The following CDH13 variants were observed in gnomAD, a reference collection of about 807,000 sequenced individuals.
CDH13 encodes the protein cadherin 13.
In CDH13, 24 loss-of-function variants were observed where a neutral mutation model predicts 63.8. The observed-to-expected ratio is 0.38, with a 90% CI of 0.27 to 0.53. The LOEUF is 0.53. CDH13 is among the 20% of genes least tolerant of loss of function. The probability of loss-of-function intolerance (pLI) is 0.85; values close to 1 mark genes in which losing one functional copy is unlikely to be tolerated. For synonymous variants in CDH13, 503 were observed against 355.3 expected, an observed-to-expected ratio of 1.42 and a Z score of -4.67; for missense variants, 1,049 against 903.1, an observed-to-expected ratio of 1.16 and a Z score of -2.07.
intron 1 of CDH13, among the ~76,000 whole-genome samples, chr16:82,659,859 C>T (rs72832167): frequency 0.011 from 1,702 of 152,274 alleles, 9 homozygotes; most frequent in Non-Finnish European, 0.02. Flanking sequence ...GGCCTCTACC[C>T]ACTAGAGGCC....
At chr16:82,806,656 T>G (rs902928205) in intron 1 of CDH13, among the ~76,000 whole-genome samples, 9 of 152,040 alleles carry the variant, frequency 5.9e-5, no homozygotes, top group Admixed American at 5.9e-4. Context: ...TGGTGGGATT[T>G]TTGTTGTTGT....
chr16:83,117,059 G>A (rs951735996), intron 3 of CDH13, among the ~76,000 whole-genome samples: 1 of 152,258 alleles, frequency 6.6e-6, no homozygotes. Context: ...AGACCTGGGA[G>A]AAGGAGGAAA....
At chr16:83,367,091 A>T (rs1439298453) in intron 6 of CDH13, among the ~76,000 whole-genome samples, 1 of 152,184 alleles carries the variant, frequency 6.6e-6, no homozygotes, top group African/African-American at 2.4e-5. Context: ...TGACTCCCAA[A>T]ATGAAATTCT....
At chr16:83,423,679 C>G (rs1158430728) in intron 6 of CDH13, among the ~76,000 whole-genome samples, 1 of 152,120 alleles carries the variant, frequency 6.6e-6, no homozygotes, top group East Asian at 1.9e-4. Flanking sequence ...ATGTCTGTTG[C>G]AGTGGAATTC....
intron 8 of CDH13, among the ~76,000 whole-genome samples, chr16:83,631,204 G>C (rs889570380): frequency 3.3e-5 from 5 of 152,228 alleles, no homozygotes; most frequent in African/African-American, 4.8e-5. Flanking sequence ...TTATCTGGCA[G>C]AATTCTGCTC....
intron 7 of CDH13, among the ~76,000 whole-genome samples, chr16:83,568,103 C>T (rs995139589): frequency 6.6e-6 from 1 of 152,082 alleles, no homozygotes; most frequent in Non-Finnish European, 1.5e-5. Flanking sequence ...ATCAAATTCT[C>T]TTCTCCTCCC....
At chr16:83,466,665 C>T (rs1461288156) in intron 6 of CDH13, among the ~76,000 whole-genome samples, 2 of 152,166 alleles carry the variant, frequency 1.3e-5, no homozygotes, top group Admixed American at 6.5e-5. Context: ...AGATGTTTAT[C>T]ATAGACAAGG....
intron 2 of CDH13, among the ~76,000 whole-genome samples, chr16:82,868,279 C>G (rs1164407356): frequency 6.6e-6 from 1 of 152,096 alleles, no homozygotes; most frequent in East Asian, 1.9e-4. Context: ...AGAGTTTTTC[C>G]TATATTTAAA....
intron 4 of CDH13, among the ~76,000 whole-genome samples, chr16:83,201,685 C>T (rs1008462029): frequency 1.3e-5 from 2 of 151,034 alleles, no homozygotes; most frequent in African/African-American, 4.9e-5. Context: ...GTCACGAGGT[C>T]AGGAGATCGA....
At chr16:83,379,841 T>C (rs924618778) in intron 6 of CDH13, among the ~76,000 whole-genome samples, 17 of 151,404 alleles carry the variant, frequency 1.1e-4, no homozygotes, top group Admixed American at 9.9e-4. Context: ...CGAAATATTA[T>C]ATAAATATAT....
At chr16:82,960,864 A>G (rs1050328134) in intron 2 of CDH13, among the ~76,000 whole-genome samples, 1 of 152,162 alleles carries the variant, frequency 6.6e-6, no homozygotes, top group African/African-American at 2.4e-5. Flanking sequence ...GTGATTTTTA[A>G]TTCTAGGAAG....
At chr16:82,638,978 A>G (rs932546197) in intron 1 of CDH13, among the ~76,000 whole-genome samples, 14 of 152,192 alleles carry the variant, frequency 9.2e-5, no homozygotes, top group African/African-American at 2.4e-4. Flanking sequence ...CTTATTCCCA[A>G]TTTTATATAC....
chr16:83,214,638 A>T (rs2039443057), intron 4 of CDH13, among the ~76,000 whole-genome samples: 1 of 118,462 alleles, frequency 8.4e-6, no homozygotes, highest in African/African-American at 2.6e-5. Flanking sequence ...AAGGATAGAG[A>T]TACCATTCTT....
intron 2 of CDH13, among the ~76,000 whole-genome samples, chr16:82,878,610 C>G (rs1470227246): frequency 6.6e-6 from 1 of 150,800 alleles, no homozygotes; most frequent in Middle Eastern, 3.2e-3. Flanking sequence ...GCTTGCCTTT[C>G]TTGGTAACGA....
Position 83,748,246 on chromosome 16 carries a change from C to T in CDH13, c.1677C>T (p.Asp559=). 2 of 1,608,254 alleles carry T rather than the reference C, an allele frequency of 1.2e-6. No individual in the cohort carries two copies. Among genetic ancestry groups the T allele is most frequent in the African/African-American group, 1.3e-5 (1 of 74,958 alleles). Residue 559 remains aspartate (D), a synonymous_variant, in exon 11 of 14, where the codon GAC becomes GAT. Transcript: ENST00000567109. ...ACACTGCTCTCTTCCTGGCAATTGA[C>T]AGTGGTGAGTACTTGACAAAGACCA... ...SVYTALFLAI[D]SGNPPATGTG... is the part of the protein sequence containing the mutation.
At chr16:83,738,405 C>T (rs1260334515) in intron 10 of CDH13, among the ~76,000 whole-genome samples, 2 of 152,228 alleles carry the variant, frequency 1.3e-5, no homozygotes, top group African/African-American at 4.8e-5. Context: ...GTGCTTATCT[C>T]TGGAAGTGGA....
At chr16:83,186,400 G>T (rs1332146205) in intron 4 of CDH13, among the ~76,000 whole-genome samples, 4 of 152,068 alleles carry the variant, frequency 2.6e-5, no homozygotes, top group Non-Finnish European at 1.5e-5. Context: ...GCCTCCCAAA[G>T]TGCTGGGATT....
At chr16:83,505,888 C>T (rs2074384301) in intron 7 of CDH13, among the ~76,000 whole-genome samples, 1 of 152,182 alleles carries the variant, frequency 6.6e-6, no homozygotes, top group African/African-American at 2.4e-5. Context: ...GCCTCCATTG[C>T]CAACATTGCA....
intron 7 of CDH13, among the ~76,000 whole-genome samples, chr16:83,586,302 C>T (rs951899387): frequency 4.6e-5 from 7 of 152,180 alleles, no homozygotes; most frequent in African/African-American, 1.4e-4. Flanking sequence ...CAGGGATTTC[C>T]TCCCAGAGAG....
Sources: gnomAD v4.1 joint callset for allele counts (sites outside exome capture counted in the v4.1 genomes callset) on GRCh38, gnomAD v4.1.1 for gene constraint, MANE v1.5 for transcripts, NCBI Gene and HGNC (gene_info 2026-07-23, HGNC 2026-07-21) for gene names.